The following ANKS1B variants were observed in gnomAD, a reference collection of about 807,000 sequenced individuals.
ANKS1B encodes ankyrin repeat and sterile alpha motif domain containing 1B.
A neutral mutation model predicts 148.3 loss-of-function variants in ANKS1B; 36 were observed. The observed-to-expected ratio is 0.24, with a 90% CI of 0.19 to 0.32. ANKS1B has a LOEUF of 0.32. ANKS1B is among the 10% of genes least tolerant of loss of function. ANKS1B has a pLI of 1.00. For missense variants in ANKS1B, 1,157 were observed against 1,542.6 expected (o/e 0.75, Z 4.19); for synonymous variants, 542 against 560.8 (o/e 0.97, Z 0.47).
At chr12:99,780,180 G>A (rs930891853) in intron 5 of ANKS1B, among the ~76,000 whole-genome samples, 1 of 152,028 alleles carries the variant, frequency 6.6e-6, no homozygotes, top group African/African-American at 2.4e-5. Context: ...AAGAAGGCAG[G>A]GGCCTGTTGC....
chr12:98,993,974 T>C (rs2099928104), intron 17 of ANKS1B, among the ~76,000 whole-genome samples: 1 of 152,210 alleles, frequency 6.6e-6, no homozygotes, highest in South Asian at 2.1e-4. Context: ...AGTAATGAAG[T>C]AATTTTTATA....
At chr12:99,387,245 G>T (rs932225135) in intron 12 of ANKS1B, among the ~76,000 whole-genome samples, 1 of 152,330 alleles carries the variant, frequency 6.6e-6, no homozygotes, top group South Asian at 2.1e-4. Context: ...CTCCCAAGGT[G>T]ATGGGATTAG....
intron 12 of ANKS1B, among the ~76,000 whole-genome samples, chr12:99,273,721 C>T (rs138197280): frequency 1.8e-4 from 28 of 151,620 alleles, no homozygotes; most frequent in African/African-American, 5.3e-4. Context: ...GGATTACAGG[C>T]GCGTGCCACC....
chr12:99,344,788 C>T (rs2090435808), intron 12 of ANKS1B: 1 of 151,704 alleles, frequency 6.6e-6, no homozygotes. Flanking sequence ...TAGCTAAAAG[C>T]AATAAGAAAA....
At chr12:99,809,751 T>C (rs2068093637) in intron 3 of ANKS1B, among the ~76,000 whole-genome samples, 1 of 152,126 alleles carries the variant, frequency 6.6e-6, no homozygotes, top group East Asian at 1.9e-4. Context: ...GAATTATTTT[T>C]AAAGAAAGCT....
chr12:99,702,534 T>C (rs973715711), intron 8 of ANKS1B, among the ~76,000 whole-genome samples: 5 of 151,886 alleles, frequency 3.3e-5, no homozygotes, highest in Admixed American at 1.3e-4. Flanking sequence ...ATGCAGAAGG[T>C]TTTGTTTGAT....
chr12:99,652,991 C>T (rs560904377), intron 9 of ANKS1B, among the ~76,000 whole-genome samples: 2 of 152,038 alleles, frequency 1.3e-5, no homozygotes, highest in South Asian at 4.1e-4. Context: ...ACATGATGCA[C>T]TTGTACACAT....
intron 12 of ANKS1B, among the ~76,000 whole-genome samples, chr12:99,397,434 G>C (rs2094280994): frequency 6.6e-6 from 1 of 152,108 alleles, no homozygotes; most frequent in Admixed American, 6.6e-5. Context: ...ACCTATTGCA[G>C]CTTACATTCT....
At chr12:99,515,542 A>G (rs535759534) in intron 9 of ANKS1B, among the ~76,000 whole-genome samples, 1 of 152,240 alleles carries the variant, frequency 6.6e-6, no homozygotes, top group South Asian at 2.1e-4. Flanking sequence ...TCTGCTGTGT[A>G]TAAGTACCAC....
At chr12:99,058,263 TCTCA>T (rs1455416180) in intron 16 of ANKS1B, among the ~76,000 whole-genome samples, 2 of 138,150 alleles carry the variant, frequency 1.4e-5, no homozygotes, top group African/African-American at 5.6e-5. Context: ...TAAGACAGAG[TCTCA>T]CTCTGTCACC....
At chr12:99,333,738 T>C (rs895011068) in intron 12 of ANKS1B, among the ~76,000 whole-genome samples, 4 of 152,014 alleles carry the variant, frequency 2.6e-5, no homozygotes, top group South Asian at 2.1e-4. Context: ...TTCAAGAAAA[T>C]AGCCTTCCCT....
At chr12:99,978,864 C>G (rs1057157879) in intron 1 of ANKS1B, among the ~76,000 whole-genome samples, 2 of 152,010 alleles carry the variant, frequency 1.3e-5, no homozygotes, top group African/African-American at 2.4e-5. Flanking sequence ...TTATTTCTGA[C>G]AAGAATTTAC....
intron 11 of ANKS1B, among the ~76,000 whole-genome samples, chr12:99,408,684 C>T (rs1284926119): frequency 6.9e-6 from 1 of 145,740 alleles, no homozygotes; most frequent in Middle Eastern, 3.5e-3. Flanking sequence ...TTAAAATGGG[C>T]AAAAGATCAG....
At chr12:99,845,377 C>T (rs1251969328) in intron 1 of ANKS1B, among the ~76,000 whole-genome samples, 3 of 152,034 alleles carry the variant, frequency 2.0e-5, no homozygotes, top group African/African-American at 7.2e-5. Flanking sequence ...TTATATGGCT[C>T]TTATTATTTT....
intron 12 of ANKS1B, among the ~76,000 whole-genome samples, chr12:99,295,306 AT>A (rs1328047902): frequency 6.6e-6 from 1 of 151,974 alleles, no homozygotes. Flanking sequence ...GATAGGAAGT[AT>A]TTTTTTTCAC....
chr12:98,851,388 T>C (rs904921416), intron 17 of ANKS1B, among the ~76,000 whole-genome samples: 7 of 151,902 alleles, frequency 4.6e-5, no homozygotes, highest in African/African-American at 1.7e-4. Context: ...GAGAAGGAGA[T>C]TTCCAAGTAA....
At chr12:99,255,880 T>C (rs2075200480) in intron 12 of ANKS1B, among the ~76,000 whole-genome samples, 1 of 152,206 alleles carries the variant, frequency 6.6e-6, no homozygotes, top group Non-Finnish European at 1.5e-5. Flanking sequence ...AGATCACTTT[T>C]TGTGACTGTT....
chr12:99,603,317 C>T (rs1186855027), intron 9 of ANKS1B, among the ~76,000 whole-genome samples: 1 of 152,080 alleles, frequency 6.6e-6, no homozygotes, highest in Non-Finnish European at 1.5e-5. Flanking sequence ...CCCATAGTAT[C>T]TATATAGTTT....
At chr12:98,928,719 C>T (rs1360878934) in intron 17 of ANKS1B, among the ~76,000 whole-genome samples, 1 of 151,922 alleles carries the variant, frequency 6.6e-6, no homozygotes, top group African/African-American at 2.4e-5. Context: ...GCAGGAATCT[C>T]CTTTAACACA....
Sources: gnomAD v4.1 joint callset for allele counts (sites outside exome capture counted in the v4.1 genomes callset) on GRCh38, gnomAD v4.1.1 for gene constraint, MANE v1.5 for transcripts, NCBI Gene and HGNC (gene_info 2026-07-23, HGNC 2026-07-21) for gene names.